Variants in SNTB2 observed in about 807,000 individuals in gnomAD.
SNTB2 encodes the protein beta-2-syntrophin.
In SNTB2, 34 loss-of-function variants were observed where a neutral mutation model predicts 46.2. The observed-to-expected ratio is 0.74, with a 90% CI of 0.56 to 0.98. The LOEUF is 0.98. SNTB2 is among the 50% of genes least tolerant of loss of function. The probability of loss-of-function intolerance (pLI) is 0.00; values close to 1 mark genes in which losing one functional copy is unlikely to be tolerated. For missense variants in SNTB2, 603 were observed against 731.4 expected (o/e 0.82, Z 2.02); for synonymous variants, 290 against 312.6 (o/e 0.93, Z 0.76).
chr16:69,289,852 G>A (rs1052955152), intron 5 of SNTB2, among the ~76,000 whole-genome samples: 1 of 152,050 alleles, frequency 6.6e-6, no homozygotes, highest in Admixed American at 6.6e-5. Context: ...AGCCCGAGAG[G>A]TCAAGGATTC....
chr16:69,305,660 T>C lies in SNTB2; in HGVS notation c.*4736T>C, dbSNP rs973314449. 3.5e-4 allele frequency: 54 copies of C among 152,240 alleles called. No individual in the cohort carries two copies. The highest frequency in any genetic ancestry group is 1.2e-3 in the African/African-American group (49 of 41,470). The allele number at this position is 152,240 out of a possible 1,614,324, so 9.4% of individuals were successfully genotyped here. On this transcript the variant is annotated 3_prime_UTR_variant, in exon 7 of 7. Coordinates refer to ENST00000336278, the MANE Select transcript of SNTB2 (RefSeq NM_006750.4). ...TTTGACTGTAGTCATTCATTCTTTT[T>C]ATATATCTCTGTCAGGTATGACATT...
chr16:69,251,950 A>ACT (rs1186435556), intron 2 of SNTB2, among the ~76,000 whole-genome samples: 1 of 152,144 alleles, frequency 6.6e-6, no homozygotes, highest in African/African-American at 2.4e-5. Context: ...AATAAAATAA[A>ACT]CTGCCAGACT....
chr16:69,217,317 T>G (rs1156532440), intron 1 of SNTB2, among the ~76,000 whole-genome samples: 1 of 151,890 alleles, frequency 6.6e-6, no homozygotes, highest in Non-Finnish European at 1.5e-5. Flanking sequence ...CTACAAAAAA[T>G]ACAAAAATTA....
intron 4 of SNTB2, among the ~76,000 whole-genome samples, chr16:69,282,194 C>T (rs1965056025): frequency 6.7e-6 from 1 of 150,130 alleles, no homozygotes; most frequent in African/African-American, 2.4e-5. Context: ...GGCACAGTGG[C>T]TCATGCCTGT....
chr16:69,211,367 C>T (rs1460760614), intron 1 of SNTB2, among the ~76,000 whole-genome samples: 4 of 151,642 alleles, frequency 2.6e-5, no homozygotes, highest in Non-Finnish European at 4.4e-5. Flanking sequence ...TCTTTAGTTA[C>T]TCTTCAACAT....
chr16:69,240,136 T>A (rs1964596936), intron 1 of SNTB2, among the ~76,000 whole-genome samples: 1 of 152,196 alleles, frequency 6.6e-6, no homozygotes, highest in Non-Finnish European at 1.5e-5. Flanking sequence ...TCTCTAGAAT[T>A]TCATTAAATT....
chr16:69,237,609 T>TCTTTC (rs200953690), intron 1 of SNTB2, among the ~76,000 whole-genome samples: 70 of 147,096 alleles, frequency 4.8e-4, no homozygotes, highest in African/African-American at 1.7e-3. Flanking sequence ...CTTTCTTTTT[T>TCTTTC]TTTTTTTTTT....
intron 3 of SNTB2, among the ~76,000 whole-genome samples, chr16:69,262,826 G>A (rs1964847790): frequency 6.6e-6 from 1 of 151,824 alleles, no homozygotes; most frequent in Non-Finnish European, 1.5e-5. Flanking sequence ...ACAGGCACAT[G>A]CCACCACACC....
At chr16:69,215,115 C>T (rs1219654447) in intron 1 of SNTB2, among the ~76,000 whole-genome samples, 3 of 152,156 alleles carry the variant, frequency 2.0e-5, no homozygotes, top group African/African-American at 7.2e-5. Flanking sequence ...CCCACTCCCT[C>T]CCAAAGTGTT....
intron 1 of SNTB2, among the ~76,000 whole-genome samples, chr16:69,244,409 G>A (rs1432825797): frequency 6.6e-6 from 1 of 152,168 alleles, no homozygotes; most frequent in Non-Finnish European, 1.5e-5. Context: ...AATGGAGACA[G>A]GGTAGCTAGA....
At chr16:69,203,826 G>A (rs189762620) in intron 1 of SNTB2, among the ~76,000 whole-genome samples, 1 of 152,030 alleles carries the variant, frequency 6.6e-6, no homozygotes, top group East Asian at 1.9e-4. Context: ...GGAGTGCAAT[G>A]GCACGATCTC....
intron 1 of SNTB2, among the ~76,000 whole-genome samples, chr16:69,200,274 G>A (rs926161728): frequency 1.3e-4 from 20 of 152,266 alleles, no homozygotes; most frequent in African/African-American, 4.1e-4. Flanking sequence ...GATATTAGGC[G>A]TATTTTGACA....
chr16:69,247,647 C>T (rs1165728202), intron 2 of SNTB2, among the ~76,000 whole-genome samples: 2 of 152,094 alleles, frequency 1.3e-5, no homozygotes, highest in African/African-American at 4.8e-5. Flanking sequence ...AACTAGGTCA[C>T]CTGCTCAAAG....
rs1015573733 is a variant in SNTB2 at position 69,284,338 on chromosome 16, G to A, written c.1345+94G>A. ...ATGACATTTCAGTCAGTGATGGATT[G>A]CATACATGACAGCAGTCCCCTCAGA... On this transcript the variant is annotated intron_variant, in intron 5 of 6. Coordinates refer to ENST00000336278, the MANE Select transcript of SNTB2 (RefSeq NM_006750.4). 8 of 1,032,584 alleles carry A rather than the reference G, an allele frequency of 7.7e-6. No homozygotes were observed. The African/African-American group carries it at 1.1e-4, about 15-fold the overall frequency. The allele number at this position is 1,032,584 out of a possible 1,614,324, so 64.0% of individuals were successfully genotyped here.
At chr16:69,282,595 C>T (rs1965060648) in intron 4 of SNTB2, among the ~76,000 whole-genome samples, 1 of 152,152 alleles carries the variant, frequency 6.6e-6, no homozygotes, top group African/African-American at 2.4e-5. Context: ...AGTTTCCATA[C>T]AAACTTTGGA....
chr16:69,219,718 ATTTTGTTTTG>A (rs60116168), intron 1 of SNTB2, among the ~76,000 whole-genome samples: 6,882 of 140,774 alleles, frequency 0.049, 209 homozygotes, highest in African/African-American at 0.091. Flanking sequence ...ATTTTATTTT[ATTTTGTTTTG>A]TTTTGTTTTG....
intron 1 of SNTB2, among the ~76,000 whole-genome samples, chr16:69,208,519 T>A (rs1964247087): frequency 6.6e-6 from 1 of 152,226 alleles, no homozygotes; most frequent in Admixed American, 6.5e-5. Context: ...TACCTGTAGT[T>A]TATTGTTTCT....
At chr16:69,284,479 A>G (rs1306264506) in intron 5 of SNTB2, among the ~76,000 whole-genome samples, 1 of 149,120 alleles carries the variant, frequency 6.7e-6, no homozygotes, top group Non-Finnish European at 1.5e-5. Context: ...AAAAAAAAAA[A>G]AAAAAAAAAA....
intron 5 of SNTB2, among the ~76,000 whole-genome samples, chr16:69,293,308 C>T (rs1172959344): frequency 6.6e-6 from 1 of 152,048 alleles, no homozygotes; most frequent in Admixed American, 6.6e-5. Flanking sequence ...AGTACCCTTC[C>T]CTGAAACACA....
Sources: gnomAD v4.1 joint callset for allele counts (sites outside exome capture counted in the v4.1 genomes callset) on GRCh38, gnomAD v4.1.1 for gene constraint, MANE v1.5 for transcripts, NCBI Gene and HGNC (gene_info 2026-07-23, HGNC 2026-07-21) for gene names.